Variants in TENM3 observed in about 807,000 individuals in gnomAD.
TENM3 encodes teneurin-3.
Under a neutral mutation model 255.1 loss-of-function variants are expected in TENM3, and 63 were observed. The observed-to-expected ratio is 0.25, with a 90% CI of 0.20 to 0.30. The LOEUF (loss-of-function observed/expected upper bound fraction) is 0.30, where lower values mean the gene tolerates loss of function less well. Ranked by LOEUF, TENM3 falls within the 10% of genes least tolerant of loss-of-function variation. The pLI is 1.00. For synonymous variants in TENM3, 1,306 were observed against 1,322.3 expected (o/e 0.99, Z 0.27); for missense variants, 2,929 against 3,461.1 (o/e 0.85, Z 3.86).
At chr4:182,702,323 T>C (rs1341183444) in intron 12 of TENM3, among the ~76,000 whole-genome samples, 1 of 152,142 alleles carries the variant, frequency 6.6e-6, no homozygotes, top group East Asian at 1.9e-4. Flanking sequence ...GGAGGGCAGC[T>C]TGGGGAGGCA....
At chr4:182,724,296 C>T (rs1472021164) in intron 13 of TENM3, among the ~76,000 whole-genome samples, 2 of 152,190 alleles carry the variant, frequency 1.3e-5, no homozygotes, top group South Asian at 2.1e-4. Context: ...GACAATTTTA[C>T]TACACTATAC....
intron 3 of TENM3, among the ~76,000 whole-genome samples, chr4:182,413,654 CA>C (rs1770168123): frequency 2.0e-5 from 3 of 151,974 alleles, no homozygotes; most frequent in Admixed American, 2.0e-4. Flanking sequence ...GAACAACTCC[CA>C]AACCGAAGTG....
chr4:181,516,044 A>C, the TENM3 span, among the ~76,000 whole-genome samples: 1 of 152,228 alleles, frequency 6.6e-6, no homozygotes, highest in South Asian at 2.1e-4. Flanking sequence ...TGTCCTTTGC[A>C]GGTACATGGA....
At chr4:182,621,660 AAT>A (rs1750184213) in intron 4 of TENM3, among the ~76,000 whole-genome samples, 1 of 87,570 alleles carries the variant, frequency 1.1e-5, no homozygotes, top group Admixed American at 1.4e-4. Context: ...TATAATATAT[AAT>A]ATGTATTATA....
At chr4:181,953,576 G>C in the TENM3 span, among the ~76,000 whole-genome samples, 1 of 151,960 alleles carries the variant, frequency 6.6e-6, no homozygotes, top group South Asian at 2.1e-4. Flanking sequence ...CAGCTACTCG[G>C]GAAGCTGAGG....
intron 1 of TENM3, among the ~76,000 whole-genome samples, chr4:182,257,171 G>C (rs1254812561): frequency 6.6e-6 from 1 of 152,154 alleles, no homozygotes; most frequent in Non-Finnish European, 1.5e-5. Context: ...GATCTGGGGT[G>C]GGGCTCCAGA....
chr4:181,737,207 G>C, the TENM3 span, among the ~76,000 whole-genome samples: 1 of 152,036 alleles, frequency 6.6e-6, no homozygotes, highest in African/African-American at 2.4e-5. Context: ...AATTTAACCC[G>C]AACTTCCACT....
At chr4:182,013,228 G>GT in the TENM3 span, among the ~76,000 whole-genome samples, 1 of 152,280 alleles carries the variant, frequency 6.6e-6, no homozygotes, top group African/African-American at 2.4e-5. Flanking sequence ...AAGTTTTGGA[G>GT]TTTTTTCCTG....
the TENM3 span, among the ~76,000 whole-genome samples, chr4:181,904,368 A>T: frequency 2.6e-5 from 4 of 152,262 alleles, no homozygotes; most frequent in African/African-American, 9.6e-5. Flanking sequence ...TATTCTAAGG[A>T]TAAACACTTG....
In TENM3 at chr4:182,738,421, G is replaced by A. The variant is rs1354520580; in HGVS notation, c.3256G>A (p.Glu1086Lys). 1 of 1,612,158 alleles carries A rather than the reference G, an allele frequency of 6.2e-7. No individual in the cohort carries two copies. The highest frequency in any genetic ancestry group is 8.5e-7 in the Non-Finnish European group (1 of 1,179,080). Residue 1086 changes from glutamate (E) to lysine (K), a missense_variant, in exon 18 of 28, where the codon GAG becomes AAG. Around this residue, in one of 6 missense-constraint regions of TENM3, gnomAD observed 1,608 missense variants for 1,884.4 expected, o/e 0.85. Coordinates refer to ENST00000511685, the MANE Select transcript of TENM3 (RefSeq NM_001080477.4). ...TCCAGTGTCAGTTGGATATGAGTAT[G>A]AGTCGTGTTTGGACCTGACTCTGTG... Reference protein sequence around the residue: ...EAVVSVGYEYESCLDLTLWEK... With the variant: ...EAVVSVGYEYKSCLDLTLWEK...
At chr4:182,300,731 T>C (rs1416377845) in intron 1 of TENM3, among the ~76,000 whole-genome samples, 2 of 152,224 alleles carry the variant, frequency 1.3e-5, no homozygotes, top group African/African-American at 2.4e-5. Flanking sequence ...AGAGCTTCCA[T>C]ACTGCAAGCA....
chr4:182,031,897 G>T, the TENM3 span, among the ~76,000 whole-genome samples: 1 of 152,150 alleles, frequency 6.6e-6, no homozygotes, highest in Non-Finnish European at 1.5e-5. Context: ...TTTGCACATT[G>T]ATTTTGTATC....
At chr4:182,562,738 T>A (rs1743330400) in intron 3 of TENM3, among the ~76,000 whole-genome samples, 1 of 152,108 alleles carries the variant, frequency 6.6e-6, no homozygotes, top group Non-Finnish European at 1.5e-5. Flanking sequence ...GTTTCTGTTA[T>A]TATATCCAAC....
At chr4:182,540,114 A>G (rs1201876907) in intron 3 of TENM3, among the ~76,000 whole-genome samples, 1 of 152,248 alleles carries the variant, frequency 6.6e-6, no homozygotes, top group Non-Finnish European at 1.5e-5. Flanking sequence ...TTTGATTTGA[A>G]TGTAAACCTT....
chr4:181,769,946 T>G, the TENM3 span, among the ~76,000 whole-genome samples: 46 of 152,242 alleles, frequency 3.0e-4, 1 homozygote, highest in Admixed American at 2.0e-3. Flanking sequence ...AGTTAAAAAT[T>G]TGTACATCAA....
At chr4:182,351,687 C>G (rs1328651501) in intron 3 of TENM3, among the ~76,000 whole-genome samples, 1 of 152,178 alleles carries the variant, frequency 6.6e-6, no homozygotes, top group Non-Finnish European at 1.5e-5. Flanking sequence ...CTCAGGACCC[C>G]GAGAGCCTCC....
chr4:182,144,608 GGCGCCC>G (rs1749770262), upstream of TENM3: 1 of 142,552 alleles, frequency 7.0e-6, no homozygotes, highest in South Asian at 2.2e-4. Context: ...CCGCCCCGCC[GGCGCCC>G]GCTCCCCGCT....
chr4:182,233,768 A>G (rs1259414159), intron 1 of TENM3, among the ~76,000 whole-genome samples: 1 of 152,174 alleles, frequency 6.6e-6, no homozygotes, highest in Non-Finnish European at 1.5e-5. Flanking sequence ...GTTTTTTCCC[A>G]TTGAACAAAA....
chr4:181,715,279 A>G, the TENM3 span, among the ~76,000 whole-genome samples: 2 of 152,210 alleles, frequency 1.3e-5, no homozygotes, highest in Non-Finnish European at 2.9e-5. Flanking sequence ...TTGTCCCACC[A>G]GTTCAAATGT....
Sources: gnomAD v4.1 joint callset for allele counts (sites outside exome capture counted in the v4.1 genomes callset) on GRCh38, gnomAD v4.1.1 for gene constraint, gnomAD v4.1.1 regional missense constraint, MANE v1.5 for transcripts, NCBI Gene and HGNC (gene_info 2026-07-23, HGNC 2026-07-21) for gene names.